MACROD2: variants seen among roughly 807,000 people sequenced by gnomAD.
MACROD2 encodes the protein mono-ADP ribosylhydrolase 2.
A neutral mutation model predicts 70.4 loss-of-function variants in MACROD2; 36 were observed. The observed-to-expected ratio is 0.51, with a 90% CI of 0.39 to 0.68. The LOEUF is 0.68. Ranked by LOEUF, MACROD2 falls within the 30% of genes least tolerant of loss-of-function variation. The probability of loss-of-function intolerance (pLI) is 0.00; values close to 1 mark genes in which losing one functional copy is unlikely to be tolerated. For missense variants in MACROD2, 496 were observed against 538.4 expected (o/e 0.92, Z 0.78); for synonymous variants, 172 against 178.8 (o/e 0.96, Z 0.30).
intron 5 of MACROD2, among the ~76,000 whole-genome samples, chr20:14,892,270 G>C (rs151208016): frequency 6.6e-6 from 1 of 152,056 alleles, no homozygotes; most frequent in Non-Finnish European, 1.5e-5. Context: ...TCAGGAGTTC[G>C]AGACCAGTCT....
chr20:14,295,285 G>T (rs916436946), intron 3 of MACROD2, among the ~76,000 whole-genome samples: 1 of 151,808 alleles, frequency 6.6e-6, no homozygotes, highest in African/African-American at 2.4e-5. Context: ...TTTCTTTCCT[G>T]TAATAAAAAA....
intron 3 of MACROD2, among the ~76,000 whole-genome samples, chr20:14,296,356 A>G (rs938827221): frequency 6.6e-6 from 1 of 151,960 alleles, no homozygotes; most frequent in Non-Finnish European, 1.5e-5. Context: ...CAAGAAGTTC[A>G]TGGCTGCATT....
intron 8 of MACROD2, among the ~76,000 whole-genome samples, chr20:15,562,210 A>G (rs1357031134): frequency 6.6e-6 from 1 of 151,966 alleles, no homozygotes; most frequent in Admixed American, 6.6e-5. Flanking sequence ...AGTTTTTGGT[A>G]TATTTCTAGC....
intron 5 of MACROD2, among the ~76,000 whole-genome samples, chr20:14,814,724 A>G (rs1357364888): frequency 2.0e-5 from 3 of 152,128 alleles, no homozygotes; most frequent in African/African-American, 4.8e-5. Flanking sequence ...AACAAAAATG[A>G]CAAAGTTATT....
intron 11 of MACROD2, among the ~76,000 whole-genome samples, chr20:15,936,525 G>A (rs1315425001): frequency 6.8e-6 from 1 of 148,026 alleles, no homozygotes; most frequent in Non-Finnish European, 1.5e-5. Flanking sequence ...ATACACATGT[G>A]CACACTATAA....
At chr20:15,530,758 T>C (rs1465301646) in intron 8 of MACROD2, among the ~76,000 whole-genome samples, 1 of 151,632 alleles carries the variant, frequency 6.6e-6, no homozygotes, top group East Asian at 1.9e-4. Flanking sequence ...ATTTTTACTT[T>C]CCATGTACGC....
At chr20:15,280,968 G>A (rs2077438637) in intron 6 of MACROD2, 1 of 152,274 alleles carries the variant, frequency 6.6e-6, no homozygotes, top group African/African-American at 2.4e-5. Flanking sequence ...GCATTGCTAG[G>A]GAGGCCTCAG....
intron 10 of MACROD2, among the ~76,000 whole-genome samples, chr20:15,924,924 G>C (rs1428128190): frequency 1.3e-5 from 2 of 151,772 alleles, no homozygotes; most frequent in African/African-American, 4.9e-5. Flanking sequence ...GGACAATACA[G>C]AGAAATGTAA....
At chr20:14,272,815 G>A (rs1415579369) in intron 3 of MACROD2, among the ~76,000 whole-genome samples, 3 of 152,102 alleles carry the variant, frequency 2.0e-5, no homozygotes, top group Non-Finnish European at 4.4e-5. Context: ...CCAAGCAAAT[G>A]TAAAACAAAA....
At chr20:15,212,063 T>C (rs1455193721) in intron 5 of MACROD2, among the ~76,000 whole-genome samples, 1 of 152,196 alleles carries the variant, frequency 6.6e-6, no homozygotes, top group African/African-American at 2.4e-5. Context: ...GAGTGTGAAA[T>C]GTCATCTCAT....
chr20:14,379,279 A>G (rs1188149342), intron 3 of MACROD2, among the ~76,000 whole-genome samples: 1 of 152,166 alleles, frequency 6.6e-6, no homozygotes, highest in East Asian at 1.9e-4. Flanking sequence ...CACCTGTATG[A>G]TGTGCTACAA....
chr20:15,264,858 A>G (rs937747799), intron 6 of MACROD2, among the ~76,000 whole-genome samples: 9 of 152,078 alleles, frequency 5.9e-5, no homozygotes, highest in South Asian at 2.1e-4. Flanking sequence ...GAGAAAGAGG[A>G]TAGTGAGATG....
At chr20:14,053,406 C>G (rs527294560) in intron 2 of MACROD2, 1 of 152,066 alleles carries the variant, frequency 6.6e-6, no homozygotes, top group Non-Finnish European at 1.5e-5. Context: ...GGAAAAACAG[C>G]TAGTGCTTCA....
chr20:14,596,147 A>G (rs566133403), intron 4 of MACROD2, among the ~76,000 whole-genome samples: 9 of 151,618 alleles, frequency 5.9e-5, no homozygotes, highest in South Asian at 2.1e-4. Context: ...GTGCAGTGGC[A>G]CGATCTCGGC....
intron 3 of MACROD2, among the ~76,000 whole-genome samples, chr20:14,416,004 AC>A (rs1346079445): frequency 6.7e-6 from 1 of 149,966 alleles, no homozygotes; most frequent in Non-Finnish European, 1.5e-5. Flanking sequence ...CTGTTGCCAG[AC>A]TGGAGTGCAG....
At chr20:14,925,429 C>T (rs1259971259) in intron 5 of MACROD2, among the ~76,000 whole-genome samples, 1 of 152,072 alleles carries the variant, frequency 6.6e-6, no homozygotes, top group African/African-American at 2.4e-5. Context: ...AATGAGAAGT[C>T]CAGAGAATTT....
intron 3 of MACROD2, among the ~76,000 whole-genome samples, chr20:14,348,766 A>ATCT (rs1273911229): frequency 8.5e-5 from 13 of 152,186 alleles, no homozygotes; most frequent in African/African-American, 3.1e-4. Flanking sequence ...TTTAACTGTA[A>ATCT]GAAATGAACT....
intron 3 of MACROD2, among the ~76,000 whole-genome samples, chr20:14,243,905 T>C (rs2081948512): frequency 1.3e-5 from 2 of 152,194 alleles, no homozygotes; most frequent in Non-Finnish European, 1.5e-5. Context: ...CAGTCAGTTC[T>C]ATCACAGCAT....
chr20:14,245,329 C>G (rs1296310781), intron 3 of MACROD2, among the ~76,000 whole-genome samples: 1 of 149,270 alleles, frequency 6.7e-6, no homozygotes, highest in Admixed American at 6.7e-5. Flanking sequence ...TGCCACTGCA[C>G]TCCAGCCTGG....
Sources: gnomAD v4.1 joint callset for allele counts (sites outside exome capture counted in the v4.1 genomes callset) on GRCh38, gnomAD v4.1.1 for gene constraint, MANE v1.5 for transcripts, NCBI Gene and HGNC (gene_info 2026-07-23, HGNC 2026-07-21) for gene names.